Variants in SPOCK1 observed in about 807,000 individuals in gnomAD.
SPOCK1 encodes the protein SPARC (osteonectin), cwcv and kazal like domains proteoglycan 1.
In SPOCK1, 23 loss-of-function variants were observed where a neutral mutation model predicts 55.3. The ratio of observed to expected loss-of-function variants is 0.42; its 90% CI spans 0.30 to 0.59. SPOCK1 has a LOEUF of 0.59. Ranked by LOEUF, SPOCK1 falls within the 20% of genes least tolerant of loss-of-function variation. The pLI is 0.22. For synonymous variants in SPOCK1, 226 were observed against 221.0 expected (o/e 1.02, Z -0.20); for missense variants, 499 against 552.5 (o/e 0.90, Z 0.97).
At chr5:137,148,518 C>T (rs1487075682) in intron 3 of SPOCK1, among the ~76,000 whole-genome samples, 2 of 152,106 alleles carry the variant, frequency 1.3e-5, no homozygotes, top group African/African-American at 2.4e-5. Flanking sequence ...TCAGCATTTC[C>T]ATCAAGAAAT....
At chr5:137,221,488 G>A (rs1755845398) in intron 3 of SPOCK1, among the ~76,000 whole-genome samples, 1 of 152,112 alleles carries the variant, frequency 6.6e-6, no homozygotes, top group Non-Finnish European at 1.5e-5. Flanking sequence ...TGTTATGAGG[G>A]TGGTTGCCTC....
intron 2 of SPOCK1, among the ~76,000 whole-genome samples, chr5:137,484,281 G>A (rs1466035767): frequency 6.6e-6 from 1 of 152,098 alleles, no homozygotes; most frequent in Non-Finnish European, 1.5e-5. Context: ...CAGTTCAAAG[G>A]GCTCTTCAGA....
At chr5:137,151,153 T>C (rs902153181) in intron 3 of SPOCK1, among the ~76,000 whole-genome samples, 2 of 149,428 alleles carry the variant, frequency 1.3e-5, no homozygotes, top group African/African-American at 2.4e-5. Flanking sequence ...TTTTGTATTT[T>C]GTAATTTTTT....
At chr5:137,443,755 C>G (rs1753065209) in intron 2 of SPOCK1, among the ~76,000 whole-genome samples, 1 of 152,166 alleles carries the variant, frequency 6.6e-6, no homozygotes. Context: ...CTATCTTACC[C>G]CGTTGTATTA....
chr5:137,242,861 C>G (rs1056088168), intron 3 of SPOCK1, among the ~76,000 whole-genome samples: 1 of 152,170 alleles, frequency 6.6e-6, no homozygotes, highest in Non-Finnish European at 1.5e-5. Flanking sequence ...TTGTGTATAA[C>G]ATGTTCATAT....
chr5:137,045,034 A>G, intron 6 of SPOCK1, among the ~76,000 whole-genome samples: 2 of 136,684 alleles, frequency 1.5e-5, no homozygotes, highest in African/African-American at 2.8e-5. Flanking sequence ...TTCTTAATCC[A>G]GTCTATCATT....
intron 3 of SPOCK1, among the ~76,000 whole-genome samples, chr5:137,160,406 G>T (rs1486913131): frequency 8.4e-6 from 1 of 119,378 alleles, no homozygotes; most frequent in Non-Finnish European, 1.7e-5. Context: ...ATAAATATAT[G>T]AAATATATAT....
At chr5:137,068,574 AG>A (rs1252473817) in intron 5 of SPOCK1, among the ~76,000 whole-genome samples, 1 of 152,234 alleles carries the variant, frequency 6.6e-6, no homozygotes, top group African/African-American at 2.4e-5. Flanking sequence ...ATGAATTCTC[AG>A]AACACAGGCA....
chr5:137,208,365 G>C (rs1755553920), intron 3 of SPOCK1, among the ~76,000 whole-genome samples: 1 of 152,256 alleles, frequency 6.6e-6, no homozygotes, highest in East Asian at 1.9e-4. Context: ...GATGAAGCCT[G>C]AGAGGTGTTA....
At chr5:137,063,061 G>A (rs1172897820) in intron 6 of SPOCK1, among the ~76,000 whole-genome samples, 3 of 100,756 alleles carry the variant, frequency 3.0e-5, no homozygotes, top group South Asian at 3.4e-4. Context: ...GGTGAAACCC[G>A]TCTCTACTAA....
intron 2 of SPOCK1, among the ~76,000 whole-genome samples, chr5:137,356,838 T>TATATATATATATATAGAG (rs1554077335): frequency 3.7e-4 from 2 of 5,460 alleles, no homozygotes; most frequent in African/African-American, 8.3e-4. Context: ...TATATATATA[T>TATATATATATATATAGAG]AGAGAGAGAG....
At chr5:137,002,513 A>G (rs547129695) in intron 6 of SPOCK1, among the ~76,000 whole-genome samples, 1 of 152,200 alleles carries the variant, frequency 6.6e-6, no homozygotes, top group South Asian at 2.1e-4. Context: ...GATATGCAAA[A>G]TATTGGTTTA....
At chr5:137,444,710 G>A (rs372641850) in intron 2 of SPOCK1, among the ~76,000 whole-genome samples, 2 of 152,304 alleles carry the variant, frequency 1.3e-5, no homozygotes, top group South Asian at 2.1e-4. Context: ...GGGGACCTGC[G>A]GAGAATCTAT....
At chr5:137,361,994 A>G (rs1750956699) in intron 2 of SPOCK1, among the ~76,000 whole-genome samples, 1 of 152,196 alleles carries the variant, frequency 6.6e-6, no homozygotes, top group African/African-American at 2.4e-5. Context: ...GCCACTCAGT[A>G]AGGCGAGCTG....
At chr5:137,425,929 C>T (rs1752600488) in intron 2 of SPOCK1, among the ~76,000 whole-genome samples, 1 of 143,448 alleles carries the variant, frequency 7.0e-6, no homozygotes, top group Non-Finnish European at 1.5e-5. Context: ...TTGGGGTATG[C>T]ATTCATCTTC....
intron 3 of SPOCK1, among the ~76,000 whole-genome samples, chr5:137,182,494 T>C (rs1754989404): frequency 6.6e-6 from 1 of 152,228 alleles, no homozygotes; most frequent in African/African-American, 2.4e-5. Context: ...TTATAATCCC[T>C]TCTTTACAAT....
chr5:137,008,997 G>A (rs546127427), intron 6 of SPOCK1, among the ~76,000 whole-genome samples: 6 of 152,128 alleles, frequency 3.9e-5, no homozygotes, highest in Middle Eastern at 6.8e-3. Flanking sequence ...ATTAAAAAAC[G>A]TAAAGGAAAA....
rs764712512 is a variant in SPOCK1 at position 137,161,608 on chromosome 5, A to G, written c.233-20914T>C. 6.6e-5 allele frequency among the ~76,000 whole-genome samples: 10 copies of G among 152,084 alleles called. 1 individual carries two copies. The East Asian group carries it at 1.2e-3, about 18-fold the overall frequency. On this transcript the variant is annotated intron_variant, in intron 3 of 10. Coordinates refer to ENST00000394945, the MANE Select transcript of SPOCK1 (RefSeq NM_004598.4). ...ACTTGTAACAAAATTGTGAGCTCCT[A>G]TTTTATATAAATATTTTTACTTCAC... is the stretch of plus-strand genomic sequence containing the variant.
intron 2 of SPOCK1, among the ~76,000 whole-genome samples, chr5:137,302,671 C>T (rs989425600): frequency 6.6e-6 from 1 of 152,048 alleles, no homozygotes; most frequent in African/African-American, 2.4e-5. Context: ...TATATTTCTT[C>T]TCCCATGGAA....
Sources: gnomAD v4.1 joint callset for allele counts (sites outside exome capture counted in the v4.1 genomes callset) on GRCh38, gnomAD v4.1.1 for gene constraint, MANE v1.5 for transcripts, NCBI Gene and HGNC (gene_info 2026-07-23, HGNC 2026-07-21) for gene names.